Variants in FOXP2 observed in about 807,000 individuals in gnomAD.
FOXP2 encodes the protein forkhead box protein P2.
Under a neutral mutation model 115.8 loss-of-function variants are expected in FOXP2, and 12 were observed. The ratio of observed to expected loss-of-function variants is 0.10; its 90% CI spans 0.07 to 0.17. FOXP2 has a LOEUF of 0.17. FOXP2 is among the 10% of genes least tolerant of loss of function. FOXP2 has a pLI of 1.00. For synonymous variants in FOXP2, 328 were observed against 297.7 expected, an observed-to-expected ratio of 1.10 and a Z score of -1.05; for missense variants, 629 against 843.5, an observed-to-expected ratio of 0.75 and a Z score of 3.15.
intron 1 of FOXP2, among the ~76,000 whole-genome samples, chr7:114,140,463 C>G (rs1339201565): frequency 1.3e-5 from 2 of 152,070 alleles, no homozygotes; most frequent in Non-Finnish European, 2.9e-5. Flanking sequence ...GTGATGGCCC[C>G]TAGTGAGGGT....
At chr7:114,680,143 G>A (rs1411766168) in intron 16 of FOXP2, among the ~76,000 whole-genome samples, 1 of 152,136 alleles carries the variant, frequency 6.6e-6, no homozygotes, top group Admixed American at 6.5e-5. Flanking sequence ...GTCTAAAGAA[G>A]TTCCAAATAT....
chr7:114,355,727 T>C (rs1430422445), intron 2 of FOXP2, among the ~76,000 whole-genome samples: 1 of 152,174 alleles, frequency 6.6e-6, no homozygotes, highest in African/African-American at 2.4e-5. Context: ...GAGCAAATAA[T>C]GGCTAATATG....
chr7:114,568,254 A>G (rs942413632), intron 3 of FOXP2, among the ~76,000 whole-genome samples: 3 of 151,874 alleles, frequency 2.0e-5, no homozygotes, highest in Non-Finnish European at 4.4e-5. Flanking sequence ...ATTTCTCTCT[A>G]TGTTAGCAGG....
At chr7:114,650,843 A>T (rs1330064116) in intron 8 of FOXP2, among the ~76,000 whole-genome samples, 1 of 152,068 alleles carries the variant, frequency 6.6e-6, no homozygotes, top group Non-Finnish European at 1.5e-5. Context: ...GACAAGATAC[A>T]TGGAGGTTTT....
At chr7:114,616,228 T>C (rs561939983) in intron 3 of FOXP2, among the ~76,000 whole-genome samples, 3 of 151,932 alleles carry the variant, frequency 2.0e-5, no homozygotes, top group Non-Finnish European at 2.9e-5. Flanking sequence ...AGTGGCGCAG[T>C]CTTGGCTCAC....
intron 1 of FOXP2, among the ~76,000 whole-genome samples, chr7:114,120,553 C>T (rs1018416340): frequency 6.6e-6 from 1 of 151,758 alleles, no homozygotes; most frequent in Non-Finnish European, 1.5e-5. Flanking sequence ...AACTAGAAAG[C>T]GGTGGTGAGA....
chr7:114,388,398 T>TG (rs1344908038), intron 2 of FOXP2, among the ~76,000 whole-genome samples: 55 of 112,146 alleles, frequency 4.9e-4, no homozygotes, highest in Non-Finnish European at 4.1e-5. Context: ...TTATCTCTTT[T>TG]TTTTTTTTTA....
intron 1 of FOXP2, among the ~76,000 whole-genome samples, chr7:114,127,137 GC>G (rs1205777416): frequency 6.6e-6 from 1 of 152,132 alleles, no homozygotes; most frequent in African/African-American, 2.4e-5. Context: ...TGGACTGAGG[GC>G]CTTTGTTCCT....
At chr7:114,650,272 G>A (rs1481202337) in intron 8 of FOXP2, among the ~76,000 whole-genome samples, 1 of 152,060 alleles carries the variant, frequency 6.6e-6, no homozygotes, top group Non-Finnish European at 1.5e-5. Flanking sequence ...AAATGTTATA[G>A]TGACTATGCC....
chr7:114,673,752 T>A (rs1807612835), intron 16 of FOXP2, among the ~76,000 whole-genome samples: 1 of 152,110 alleles, frequency 6.6e-6, no homozygotes, highest in African/African-American at 2.4e-5. Context: ...CAGGCTGGAG[T>A]GCATTGGCAC....
intron 1 of FOXP2, among the ~76,000 whole-genome samples, chr7:114,182,136 A>G (rs776923): frequency 0.022 from 3,299 of 152,142 alleles, 131 homozygotes; most frequent in African/African-American, 0.073. Context: ...TGTAATATCT[A>G]GTTCTACTTG....
intron 1 of FOXP2, among the ~76,000 whole-genome samples, chr7:114,170,759 G>GA (rs1332304956): frequency 6.6e-6 from 1 of 152,156 alleles, no homozygotes; most frequent in Non-Finnish European, 1.5e-5. Context: ...GAAGATGCAA[G>GA]AAAAATGTTT....
At chr7:114,308,201 T>C (rs2129179550) in intron 2 of FOXP2, among the ~76,000 whole-genome samples, 1 of 152,262 alleles carries the variant, frequency 6.6e-6, no homozygotes, top group East Asian at 1.9e-4. Context: ...AGAAGAACTT[T>C]TGTACAAAAT....
chr7:114,141,631 T>G (rs1013973262), intron 1 of FOXP2, among the ~76,000 whole-genome samples: 1 of 152,162 alleles, frequency 6.6e-6, no homozygotes. Flanking sequence ...CTTTAGTCAA[T>G]TGTCACTGCT....
At chr7:114,344,588 C>T (rs1350259298) in intron 2 of FOXP2, among the ~76,000 whole-genome samples, 2 of 151,786 alleles carry the variant, frequency 1.3e-5, no homozygotes, top group African/African-American at 4.8e-5. Context: ...TTATGGATAA[C>T]AGATGTAGAG....
chr7:114,163,872 T>A (rs1022190642), intron 1 of FOXP2, among the ~76,000 whole-genome samples: 3 of 152,226 alleles, frequency 2.0e-5, no homozygotes, highest in Non-Finnish European at 4.4e-5. Context: ...TGCCAGAAAT[T>A]TGACTTTTAC....
chr7:114,564,847 C>CTCCA (rs1253723154), intron 3 of FOXP2, among the ~76,000 whole-genome samples: 1 of 148,320 alleles, frequency 6.7e-6, no homozygotes, highest in African/African-American at 2.5e-5. Flanking sequence ...CTCCACTGCA[C>CTCCA]TCCAGCCTTG....
chr7:114,483,943 C>G (rs1796664295), intron 2 of FOXP2, among the ~76,000 whole-genome samples: 1 of 151,702 alleles, frequency 6.6e-6, no homozygotes, highest in Admixed American at 6.6e-5. Context: ...TCTTCTAGTA[C>G]TATAAGACAT....
intron 2 of FOXP2, among the ~76,000 whole-genome samples, chr7:114,350,751 C>T (rs987845697): frequency 6.6e-6 from 1 of 152,028 alleles, no homozygotes; most frequent in Non-Finnish European, 1.5e-5. Flanking sequence ...ATTGGTTATT[C>T]TGCTACAATT....
Sources: gnomAD v4.1 joint callset for allele counts (sites outside exome capture counted in the v4.1 genomes callset) on GRCh38, gnomAD v4.1.1 for gene constraint, MANE v1.5 for transcripts, NCBI Gene and HGNC (gene_info 2026-07-23, HGNC 2026-07-21) for gene names.